Variants in MYOM1 observed in about 807,000 individuals in gnomAD.
The protein encoded by MYOM1 is myomesin-1.
MYOM1 carries 164 observed loss-of-function variants against 205.3 expected under a neutral mutation model. The ratio of observed to expected loss-of-function variants is 0.80; its 90% CI spans 0.70 to 0.91. The LOEUF is 0.91. Among genes scored for constraint, MYOM1 ranks in the 40% least tolerant of loss-of-function variants. The pLI is 0.00. For synonymous variants in MYOM1, 772 were observed against 789.4 expected, an observed-to-expected ratio of 0.98 and a Z score of 0.37; for missense variants, 2,011 against 2,127.3, an observed-to-expected ratio of 0.95 and a Z score of 1.08.
intron 26 of MYOM1, among the ~76,000 whole-genome samples, chr18:3,092,345 T>C (rs1248409495): frequency 6.6e-6 from 1 of 152,096 alleles, no homozygotes; most frequent in African/African-American, 2.4e-5. Context: ...CACACACCAC[T>C]ATGCCTCACC....
chr18:3,124,235 A>G (rs1478177639), intron 19 of MYOM1, among the ~76,000 whole-genome samples: 3 of 151,512 alleles, frequency 2.0e-5, no homozygotes, highest in Non-Finnish European at 4.4e-5. Flanking sequence ...ACTCACGCAT[A>G]TAAGGAAACG....
chr18:3,115,602 G>T (rs2079593033), intron 21 of MYOM1, among the ~76,000 whole-genome samples: 1 of 152,194 alleles, frequency 6.6e-6, no homozygotes, highest in Admixed American at 6.5e-5. Context: ...AGTAAGTAAT[G>T]CAATCATATT....
intron 5 of MYOM1, among the ~76,000 whole-genome samples, chr18:3,178,640 C>T (rs370625182): frequency 7.2e-5 from 11 of 152,312 alleles, no homozygotes; most frequent in African/African-American, 2.6e-4. Flanking sequence ...AACAAACACT[C>T]TCCTCCATAT....
chr18:3,078,291 C>T (rs2079043199), intron 34 of MYOM1, among the ~76,000 whole-genome samples: 1 of 152,168 alleles, frequency 6.6e-6, no homozygotes, highest in Non-Finnish European at 1.5e-5. Flanking sequence ...ATCCACCCGC[C>T]TCAGCCTCCC....
chr18:3,141,287 C>T (rs1360156425), intron 14 of MYOM1, among the ~76,000 whole-genome samples: 4 of 152,190 alleles, frequency 2.6e-5, no homozygotes, highest in African/African-American at 7.2e-5. Context: ...ATTCACATAC[C>T]GTTCTCCTTC....
Position 3,188,929 on chromosome 18 carries a change from G to A in MYOM1, c.590C>T (p.Thr197Met), listed in dbSNP as rs142735495. The A allele has an allele frequency of 1.4e-3, 2,222 of 1,612,030 alleles. 33 individuals are homozygous for A. The highest frequency in any genetic ancestry group is 0.013 in the South Asian group (1,196 of 91,010). Residue 197 changes from threonine (T) to methionine (M), a missense_variant, in exon 4 of 38, where the codon ACG (threonine) becomes ATG (methionine). By Grantham distance (81) the Thr-to-Met change is moderately conservative. Coordinates refer to ENST00000356443, the MANE Select transcript of MYOM1 (RefSeq NM_003803.4). ...GGATGCTGTGGACTGCTTGGATGCC[G>A]TGGACTGCTTAGATGCCGTGGTCTG... ...SKQTTASKQS[T>M]ASKQSTASKQ...
At chr18:3,100,985 T>C (rs2079367417) in intron 23 of MYOM1, among the ~76,000 whole-genome samples, 2 of 152,216 alleles carry the variant, frequency 1.3e-5, no homozygotes, top group African/African-American at 4.8e-5. Context: ...AATGAATGGC[T>C]CAGTGGCCAA....
At chr18:3,130,897 C>T (rs1040604646) in intron 17 of MYOM1, among the ~76,000 whole-genome samples, 2 of 152,106 alleles carry the variant, frequency 1.3e-5, no homozygotes, top group Non-Finnish European at 2.9e-5. Context: ...AAAGATGAAA[C>T]ATATGATTAA....
At chr18:3,185,112 T>G (rs1025494024) in intron 5 of MYOM1, among the ~76,000 whole-genome samples, 1 of 152,258 alleles carries the variant, frequency 6.6e-6, no homozygotes, top group Non-Finnish European at 1.5e-5. Flanking sequence ...TTTTTGTTTT[T>G]GTTTTTAATT....
the MYOM1 span, among the ~76,000 whole-genome samples, chr18:3,228,745 C>A: frequency 1.3e-5 from 2 of 152,146 alleles, no homozygotes; most frequent in African/African-American, 4.8e-5. This position sits in a 1 kb window ranked among gnomAD's most constrained non-coding sequence, Gnocchi z 4.5. Flanking sequence ...TTTCCTCAGG[C>A]TTGTCTGCAG....
intron 20 of MYOM1, among the ~76,000 whole-genome samples, chr18:3,118,077 T>C (rs867553858): frequency 1.3e-5 from 2 of 152,134 alleles, no homozygotes; most frequent in South Asian, 2.1e-4. Context: ...GCAGACCTAG[T>C]TTCCTACCCT....
chr18:3,240,280 T>C, the MYOM1 span, among the ~76,000 whole-genome samples: 1 of 152,206 alleles, frequency 6.6e-6, no homozygotes, highest in South Asian at 2.1e-4. Context: ...TCCAGTTAAC[T>C]ATCAGAGCCA....
At chr18:3,184,654 T>C (rs2144129890) in intron 5 of MYOM1, among the ~76,000 whole-genome samples, 1 of 152,352 alleles carries the variant, frequency 6.6e-6, no homozygotes, top group South Asian at 2.1e-4. Flanking sequence ...AGCCTTGTTG[T>C]TCGTTTGTTT....
intron 37 of MYOM1, 26 bp downstream of exon 37, chr18:3,071,808 C>G: frequency 3.2e-6 from 5 of 1,583,706 alleles, no homozygotes; most frequent in Non-Finnish European, 4.3e-6. Flanking sequence ...GCAGAAGGAG[C>G]AGGCACAGGC....
intron 27 of MYOM1, 94 bp downstream of exon 27, chr18:3,090,564 C>T: frequency 6.6e-7 from 1 of 1,503,824 alleles, no homozygotes; most frequent in Non-Finnish European, 9.0e-7. Flanking sequence ...GAAAAAATTC[C>T]TACTACCTTT....
the MYOM1 span, among the ~76,000 whole-genome samples, chr18:3,229,798 T>G: frequency 2.6e-5 from 4 of 151,838 alleles, no homozygotes; most frequent in Non-Finnish European, 5.9e-5. Flanking sequence ...GGAGAAAACT[T>G]GTCTCTATTA....
intron 22 of MYOM1, among the ~76,000 whole-genome samples, chr18:3,106,266 T>G (rs917721052): frequency 2.8e-4 from 43 of 152,350 alleles, no homozygotes; most frequent in African/African-American, 1.0e-3. Flanking sequence ...GAGGGATAAC[T>G]GTATTCTGAA....
At chr18:3,077,665 G>A (rs1358817804) in intron 34 of MYOM1, among the ~76,000 whole-genome samples, 2 of 152,176 alleles carry the variant, frequency 1.3e-5, no homozygotes, top group Non-Finnish European at 2.9e-5. Context: ...GGATTTCAGA[G>A]TGGTGTAGTT....
intron 21 of MYOM1, among the ~76,000 whole-genome samples, chr18:3,115,722 G>A (rs1195145160): frequency 6.6e-6 from 1 of 152,146 alleles, no homozygotes; most frequent in Admixed American, 6.5e-5. Flanking sequence ...TGAGAGATTT[G>A]GTGGCTATGG....
Sources: allele counts gnomAD v4.1 joint callset (sites outside exome capture counted in the v4.1 genomes callset), GRCh38; gene constraint gnomAD v4.1.1; non-coding constraint Gnocchi (gnomAD v3.1); transcripts MANE v1.5; gene names NCBI Gene and HGNC (gene_info 2026-07-23, HGNC 2026-07-21).